The following ATF7 variants were observed in gnomAD, a reference collection of about 807,000 sequenced individuals.
ATF7 encodes activating transcription factor 7.
A neutral mutation model predicts 50.4 loss-of-function variants in ATF7; 10 were observed. The ratio of observed to expected loss-of-function variants is 0.20; its 90% CI spans 0.12 to 0.34. ATF7 has a LOEUF of 0.34. Among genes scored for constraint, ATF7 ranks in the 10% least tolerant of loss-of-function variants. ATF7 has a pLI of 1.00. For missense variants in ATF7, 465 were observed against 613.9 expected (o/e 0.76, Z 2.56); for synonymous variants, 201 against 226.4 (o/e 0.89, Z 1.01).
chr12:53,586,832 C>T (rs74619005), intron 2 of ATF7, among the ~76,000 whole-genome samples: 4,862 of 152,256 alleles, frequency 0.032, 271 homozygotes, highest in African/African-American at 0.11. Flanking sequence ...CACGCTCACA[C>T]ACAACTAACT....
chr12:53,533,025 G>C, intron 7 of ATF7, 135 bp downstream of exon 7: 1 of 752,094 alleles, frequency 1.3e-6, no homozygotes. Context: ...GAAGAGTTTA[G>C]GCAGGCTGCC....
intron 2 of ATF7, among the ~76,000 whole-genome samples, chr12:53,593,896 C>A (rs1000558013): frequency 2.0e-5 from 3 of 152,198 alleles, no homozygotes; most frequent in Non-Finnish European, 4.4e-5. Flanking sequence ...AATCCACATA[C>A]AGAGAGGCCC....
chr12:53,563,843 G>C lies in ATF7; in HGVS notation c.49-11206C>G, dbSNP rs549243084. 3.9e-5 allele frequency among the ~76,000 whole-genome samples: 6 copies of C among 152,310 alleles called. No homozygotes were observed. In the South Asian group the frequency reaches 1.2e-3, roughly 32 times the overall value. On this transcript the variant is annotated intron_variant, in intron 2 of 11. Transcript: ENST00000420353. Reference sequence around the variant, plus strand: ...GGCACACTTTCAGAAAGATCTGATGGCTTTCCAACTCCATTTGCAAAGTAA... The same window carrying C: ...GGCACACTTTCAGAAAGATCTGATGCCTTTCCAACTCCATTTGCAAAGTAA...
At chr12:53,544,403 A>G (rs1455252828) in intron 3 of ATF7, among the ~76,000 whole-genome samples, 1 of 152,216 alleles carries the variant, frequency 6.6e-6, no homozygotes, top group Admixed American at 6.5e-5. Context: ...TGACAGAAAT[A>G]CAGAACAATG....
At chr12:53,558,231 G>A (rs1940868767) in intron 2 of ATF7, among the ~76,000 whole-genome samples, 1 of 152,160 alleles carries the variant, frequency 6.6e-6, no homozygotes, top group African/African-American at 2.4e-5. Flanking sequence ...ATTTTTGTTT[G>A]TCACAACTGG....
intron 2 of ATF7, 103 bp from the exon 3 acceptor site, chr12:53,552,740 C>G: frequency 1.1e-6 from 1 of 871,062 alleles, no homozygotes; most frequent in Non-Finnish European, 1.9e-6. Flanking sequence ...AGATTGGTCC[C>G]TGGAAAGAAG....
chr12:53,537,738 G>A (rs550702440), intron 4 of ATF7, among the ~76,000 whole-genome samples, 186 bp from the exon 5 acceptor site: 11 of 151,794 alleles, frequency 7.2e-5, no homozygotes, highest in Non-Finnish European at 1.2e-4. Flanking sequence ...TTGAGGCGTA[G>A]TTTCAATCTT....
intron 1 of ATF7, among the ~76,000 whole-genome samples, chr12:53,624,571 T>C (rs1944530116): frequency 6.6e-6 from 1 of 152,262 alleles, no homozygotes; most frequent in Non-Finnish European, 1.5e-5. Flanking sequence ...GTAAGACTAC[T>C]TAGCAGAGCT....
At chr12:53,533,985 G>A (rs1939061510) in intron 6 of ATF7, among the ~76,000 whole-genome samples, 1 of 152,158 alleles carries the variant, frequency 6.6e-6, no homozygotes, top group African/African-American at 2.4e-5. Flanking sequence ...AATTAAGAAA[G>A]TATTACCCCC....
intron 10 of ATF7, 43 bp from the exon 11 acceptor site, chr12:53,523,427 T>C: frequency 7.1e-7 from 1 of 1,408,640 alleles, no homozygotes; most frequent in South Asian, 1.2e-5. Context: ...AAATTCATCC[T>C]CTACTCTTGC....
chr12:53,601,654 C>T (rs1375792766), intron 1 of ATF7, among the ~76,000 whole-genome samples: 2 of 152,172 alleles, frequency 1.3e-5, no homozygotes, highest in African/African-American at 4.8e-5. Context: ...GGAGAAGTAT[C>T]GATGCCCTTC....
At chr12:53,588,174 A>C (rs1269040210) in intron 2 of ATF7, among the ~76,000 whole-genome samples, 1 of 152,070 alleles carries the variant, frequency 6.6e-6, no homozygotes, top group Non-Finnish European at 1.5e-5. Flanking sequence ...TTATCACTTA[A>C]ATTATTTCAT....
intron 2 of ATF7, among the ~76,000 whole-genome samples, chr12:53,594,886 T>TC (rs1943088496): frequency 7.7e-6 from 1 of 129,870 alleles, no homozygotes; most frequent in African/African-American, 3.3e-5. Context: ...AGACCCCATC[T>TC]CAAAAAAAAA....
intron 4 of ATF7, chr12:53,543,033 T>TC: frequency 7.9e-7 from 1 of 1,268,244 alleles, no homozygotes; most frequent in Non-Finnish European, 1.0e-6. Context: ...TTTAACATCT[T>TC]CAACATATTT....
intron 2 of ATF7, among the ~76,000 whole-genome samples, chr12:53,577,409 A>G (rs529654828): frequency 1.4e-4 from 21 of 151,706 alleles, no homozygotes; most frequent in African/African-American, 5.1e-4. Flanking sequence ...ATATGTGCAT[A>G]ATAGGAGAAA....
At position 53,587,105 on chromosome 12, in the gene ATF7, G is replaced by T. The variant is rs762075663; in HGVS notation, c.48+13848C>A. ...AAATGTGCTGGGCACGGTGGCTCACGCCTCTAATCCCAACACTTTGGGAGG... is the reference window on the plus strand; with the variant it reads ...AAATGTGCTGGGCACGGTGGCTCACTCCTCTAATCCCAACACTTTGGGAGG... On this transcript the variant is annotated intron_variant, in intron 2 of 11. Transcript: ENST00000420353. Among the ~76,000 whole-genome samples, 7 of 152,172 alleles carry T rather than the reference G, an allele frequency of 4.6e-5. No homozygotes were observed. In the South Asian group the frequency reaches 6.2e-4, roughly 13 times the overall value.
intron 9 of ATF7, among the ~76,000 whole-genome samples, chr12:53,529,694 C>CATAT (rs201402616): frequency 8.3e-6 from 1 of 120,442 alleles, no homozygotes; most frequent in Non-Finnish European, 1.7e-5. Flanking sequence ...TATATAAATA[C>CATAT]ATATATATAT....
intron 9 of ATF7, among the ~76,000 whole-genome samples, chr12:53,528,561 G>A (rs1208397776): frequency 6.6e-6 from 1 of 152,078 alleles, no homozygotes; most frequent in Non-Finnish European, 1.5e-5. Flanking sequence ...TCAGGAGTTC[G>A]AGACCAGCCT....
chr12:53,539,686 C>CAATGAATG (rs144445994), intron 4 of ATF7, among the ~76,000 whole-genome samples: 65 of 148,448 alleles, frequency 4.4e-4, no homozygotes, highest in East Asian at 1.2e-3. Flanking sequence ...AAGATCCTGT[C>CAATGAATG]AATGAATGAA....
Sources: allele counts gnomAD v4.1 joint callset (sites outside exome capture counted in the v4.1 genomes callset), GRCh38; gene constraint gnomAD v4.1.1; transcripts MANE v1.5; gene names NCBI Gene and HGNC (gene_info 2026-07-23, HGNC 2026-07-21).